The following NAALADL2 variants were observed in gnomAD, a reference collection of about 807,000 sequenced individuals.
The protein encoded by NAALADL2 is N-acetylated alpha-linked acidic dipeptidase like 2.
A neutral mutation model predicts 87.2 loss-of-function variants in NAALADL2; 76 were observed. The ratio of observed to expected loss-of-function variants is 0.87; its 90% confidence interval spans 0.72 to 1.05. The LOEUF (loss-of-function observed/expected upper bound fraction) is 1.05. Ranked by LOEUF, NAALADL2 falls within the 50% of genes least tolerant of loss-of-function variation. The pLI, the probability that NAALADL2 is intolerant of heterozygous loss-of-function variation, is 0.00. For missense variants in NAALADL2, 1,089 were observed against 945.8 expected, an observed-to-expected ratio of 1.15 and a Z score of -1.99; for synonymous variants, 354 against 331.0, an observed-to-expected ratio of 1.07 and a Z score of -0.75.
At chr3:174,569,944 T>C (rs2108531749) in intron 2 of NAALADL2, among the ~76,000 whole-genome samples, 1 of 152,222 alleles carries the variant, frequency 6.6e-6, no homozygotes, top group Non-Finnish European at 1.5e-5. Flanking sequence ...TCTTTCTCTG[T>C]AAGGCTTCAT....
intron 11 of NAALADL2, among the ~76,000 whole-genome samples, chr3:175,734,429 C>T (rs7619787): frequency 0.043 from 6,604 of 151,900 alleles, 182 homozygotes; most frequent in South Asian, 0.11. Flanking sequence ...TGGTGGTGGG[C>T]GCCTGTAGTC....
At chr3:175,395,833 T>G (rs75299018) in intron 5 of NAALADL2, among the ~76,000 whole-genome samples, 186 of 152,314 alleles carry the variant, frequency 1.2e-3, no homozygotes, top group Non-Finnish European at 2.2e-3. Flanking sequence ...GTTTGCTGTA[T>G]TATTTTATAT....
intron 2 of NAALADL2, among the ~76,000 whole-genome samples, chr3:174,673,368 G>A (rs1726749108): frequency 6.6e-6 from 1 of 151,924 alleles, no homozygotes; most frequent in African/African-American, 2.4e-5. Flanking sequence ...AGAATCTGGG[G>A]CAGCATCATA....
At chr3:174,828,769 A>G (rs1579098918) in intron 3 of NAALADL2, among the ~76,000 whole-genome samples, 1 of 152,172 alleles carries the variant, frequency 6.6e-6, no homozygotes, top group East Asian at 1.9e-4. Flanking sequence ...TGTCACTCCC[A>G]AATCAACAGT....
At chr3:175,768,115 GTTT>G (rs1748984883) in intron 13 of NAALADL2, among the ~76,000 whole-genome samples, 1 of 152,028 alleles carries the variant, frequency 6.6e-6, no homozygotes, top group Non-Finnish European at 1.5e-5. Context: ...CCCACACCGG[GTTT>G]TACTGGGATT....
intron 1 of NAALADL2, among the ~76,000 whole-genome samples, chr3:174,928,342 C>T (rs187654019): frequency 2.6e-3 from 395 of 152,210 alleles, no homozygotes; most frequent in African/African-American, 9.3e-3. Flanking sequence ...AGAGTTCAAG[C>T]GATTCTTCTG....
At chr3:174,588,210 T>C (rs1269149590) in intron 2 of NAALADL2, among the ~76,000 whole-genome samples, 2 of 152,226 alleles carry the variant, frequency 1.3e-5, no homozygotes, top group Admixed American at 1.3e-4. Flanking sequence ...GTGCCATGGT[T>C]TTCAGCTCCA....
chr3:175,797,401 T>A (rs1278593033), intron 13 of NAALADL2, among the ~76,000 whole-genome samples: 1 of 152,138 alleles, frequency 6.6e-6, no homozygotes, highest in Non-Finnish European at 1.5e-5. Context: ...AGATAGTGAT[T>A]TATTGAATTA....
chr3:175,635,103 C>T (rs906357421), intron 11 of NAALADL2, among the ~76,000 whole-genome samples: 5 of 152,060 alleles, frequency 3.3e-5, no homozygotes, highest in African/African-American at 9.7e-5. Flanking sequence ...TCTTCATTTA[C>T]TGAAACTGGA....
chr3:175,218,286 G>T (rs1742851819), intron 2 of NAALADL2, among the ~76,000 whole-genome samples: 1 of 152,050 alleles, frequency 6.6e-6, no homozygotes, highest in Admixed American at 6.6e-5. Flanking sequence ...TATGCAAAAT[G>T]CATATCAGAG....
At chr3:175,318,729 A>G (rs1759469838) in intron 4 of NAALADL2, among the ~76,000 whole-genome samples, 1 of 152,164 alleles carries the variant, frequency 6.6e-6, no homozygotes, top group South Asian at 2.1e-4. Context: ...AACCACTACA[A>G]TCAAGATACA....
chr3:175,331,715 C>A (rs1761422534), intron 5 of NAALADL2, among the ~76,000 whole-genome samples: 1 of 152,186 alleles, frequency 6.6e-6, no homozygotes, highest in Non-Finnish European at 1.5e-5. Context: ...TCCACTTTCA[C>A]CATTCCTATT....
chr3:174,986,541 A>G (rs1383113981), intron 1 of NAALADL2, among the ~76,000 whole-genome samples: 1 of 152,008 alleles, frequency 6.6e-6, no homozygotes, highest in Non-Finnish European at 1.5e-5. Context: ...TAGTTAGAAG[A>G]TAACTAGTTC....
chr3:174,490,676 T>C (rs1385878888), intron 1 of NAALADL2, among the ~76,000 whole-genome samples: 4 of 152,024 alleles, frequency 2.6e-5, no homozygotes, highest in African/African-American at 7.2e-5. Flanking sequence ...CTTAGATGAA[T>C]TGAAAACAAT....
intron 1 of NAALADL2, among the ~76,000 whole-genome samples, chr3:174,868,057 A>C (rs2109587056): frequency 6.6e-6 from 1 of 152,192 alleles, no homozygotes; most frequent in South Asian, 2.1e-4. Flanking sequence ...CAGGAGGCTA[A>C]TTTCAAAGGC....
intron 10 of NAALADL2, among the ~76,000 whole-genome samples, chr3:175,582,714 C>G (rs999736816): frequency 6.6e-6 from 1 of 152,122 alleles, no homozygotes; most frequent in Non-Finnish European, 1.5e-5. Context: ...AAAACATGCC[C>G]CTCTTTCTCT....
chr3:174,805,771 C>A (rs1719396675), intron 3 of NAALADL2, among the ~76,000 whole-genome samples: 1 of 152,072 alleles, frequency 6.6e-6, no homozygotes, highest in African/African-American at 2.4e-5. Flanking sequence ...ATTACACTCA[C>A]AATTTGAAAA....
intron 9 of NAALADL2, among the ~76,000 whole-genome samples, chr3:175,553,587 T>A (rs550418247): frequency 6.6e-6 from 1 of 151,868 alleles, no homozygotes; most frequent in African/African-American, 2.4e-5. Context: ...AAGTTTGACA[T>A]CATGACATTT....
chr3:175,507,508 C>T (rs1340920767), intron 9 of NAALADL2, among the ~76,000 whole-genome samples: 9 of 150,824 alleles, frequency 6.0e-5, no homozygotes, highest in African/African-American at 1.7e-4. Context: ...CTGCAGCCCC[C>T]GCCTCCCAGG....
Sources: allele counts gnomAD v4.1 joint callset (sites outside exome capture counted in the v4.1 genomes callset), GRCh38; gene constraint gnomAD v4.1.1; transcripts MANE v1.5; gene names NCBI Gene and HGNC (gene_info 2026-07-23, HGNC 2026-07-21).